Variants in RANBP3L observed in about 807,000 individuals in gnomAD.
RANBP3L encodes the protein ran-binding protein 3-like.
Under a neutral mutation model 67.2 loss-of-function variants are expected in RANBP3L, and 56 were observed. That is an observed-to-expected ratio of 0.83 (90% CI 0.67 to 1.04). RANBP3L has a LOEUF of 1.04. RANBP3L is among the 50% of genes least tolerant of loss of function. RANBP3L has a pLI of 0.00. For synonymous variants in RANBP3L, 164 were observed against 181.4 expected, an observed-to-expected ratio of 0.90 and a Z score of 0.77; for missense variants, 496 against 535.5, an observed-to-expected ratio of 0.93 and a Z score of 0.73.
intron 1 of RANBP3L, among the ~76,000 whole-genome samples, chr5:36,297,824 T>C (rs1372342706): frequency 6.6e-6 from 1 of 152,194 alleles, no homozygotes; most frequent in East Asian, 1.9e-4. Flanking sequence ...CATGGCTTAG[T>C]TGTCTTAGTT....
chr5:36,292,797 A>C (rs2112123691), intron 1 of RANBP3L, among the ~76,000 whole-genome samples: 1 of 152,322 alleles, frequency 6.6e-6, no homozygotes, highest in East Asian at 1.9e-4. Context: ...TGTTTTGGTT[A>C]CTGTAGCCTT....
intron 1 of RANBP3L, among the ~76,000 whole-genome samples, chr5:36,277,420 C>CTATATATA (rs1264276542): frequency 5.0e-5 from 4 of 80,538 alleles, no homozygotes; most frequent in Admixed American, 3.7e-4. Context: ...CTCTCTCTCT[C>CTATATATA]TCTATATATA....
intron 4 of RANBP3L, among the ~76,000 whole-genome samples, chr5:36,268,871 G>A (rs1427279732): frequency 6.6e-6 from 1 of 152,030 alleles, no homozygotes; most frequent in Non-Finnish European, 1.5e-5. Flanking sequence ...ACCATGCCCA[G>A]CTAATTTTTT....
At chr5:36,258,157 C>T (rs1424761602) in intron 8 of RANBP3L, among the ~76,000 whole-genome samples, 1 of 152,122 alleles carries the variant, frequency 6.6e-6, no homozygotes, top group African/African-American at 2.4e-5. Flanking sequence ...AACTTTTCCT[C>T]CCAGACGATT....
At chr5:36,291,287 T>C (rs1751737539) in intron 1 of RANBP3L, among the ~76,000 whole-genome samples, 1 of 152,106 alleles carries the variant, frequency 6.6e-6, no homozygotes, top group African/African-American at 2.4e-5. Flanking sequence ...GTAAGTGGAA[T>C]CAGACAGTAT....
At chr5:36,290,188 T>G (rs939949272) in intron 1 of RANBP3L, among the ~76,000 whole-genome samples, 7 of 151,488 alleles carry the variant, frequency 4.6e-5, no homozygotes, top group African/African-American at 1.7e-4. Flanking sequence ...CTCTACATCA[T>G]TCCTCATACT....
At chr5:36,270,987 C>T (rs1185026470) in intron 2 of RANBP3L, among the ~76,000 whole-genome samples, 3 of 152,154 alleles carry the variant, frequency 2.0e-5, no homozygotes, top group South Asian at 4.1e-4. Flanking sequence ...CTTTCAGCTC[C>T]TCCCCTTTTC....
intron 1 of RANBP3L, among the ~76,000 whole-genome samples, chr5:36,298,229 G>C (rs989844536): frequency 6.6e-6 from 1 of 151,556 alleles, no homozygotes; most frequent in Non-Finnish European, 1.5e-5. Flanking sequence ...GAACCCGGGA[G>C]GCAGAGGTTG....
chr5:36,301,148 A>C (rs946452865), intron 1 of RANBP3L, among the ~76,000 whole-genome samples, 178 bp downstream of exon 1: 1 of 152,230 alleles, frequency 6.6e-6, no homozygotes, highest in Admixed American at 6.5e-5. Flanking sequence ...AGGAATATGC[A>C]TTCTTGACAG....
rs78742059 is a variant in RANBP3L at position 36,269,373 on chromosome 5, G to A, written c.268+17C>T. ...TAAACATAACAGTGAATAGTCAACA[G>A]TCAAGGCTATACATACCTCCCTGGG... On this transcript the variant is annotated intron_variant, in intron 4 of 13. Transcript: ENST00000296604. The A allele has an allele frequency of 0.024, 33,454 of 1,418,074 alleles. 2,141 individuals are homozygous for A. The highest frequency in any genetic ancestry group is 0.19 in the South Asian group (16,553 of 85,724). The allele number at this position is 1,418,074 out of a possible 1,614,324, so 87.8% of individuals were successfully genotyped here. A position where few individuals can be genotyped will look rare whatever the true frequency, so the allele number is the denominator to read the frequency against.
chr5:36,297,633 A>T (rs1010033040), intron 1 of RANBP3L, among the ~76,000 whole-genome samples: 17 of 152,220 alleles, frequency 1.1e-4, no homozygotes, highest in African/African-American at 4.1e-4. Flanking sequence ...CTGAGGCTGT[A>T]TAGACATGTA....
chr5:36,276,664 T>C (rs1397044670), intron 1 of RANBP3L, among the ~76,000 whole-genome samples: 5 of 152,154 alleles, frequency 3.3e-5, no homozygotes, highest in Non-Finnish European at 5.9e-5. Context: ...TACCTTTTAT[T>C]TCCATATCTT....
chr5:36,253,542 T>G, intron 12 of RANBP3L, 105 bp downstream of exon 12: 2 of 870,286 alleles, frequency 2.3e-6, no homozygotes, highest in South Asian at 1.7e-5. Flanking sequence ...GCTGAGTTTT[T>G]GCCAATGGTA....
intron 1 of RANBP3L, among the ~76,000 whole-genome samples, chr5:36,291,243 G>A (rs563187581): frequency 2.6e-5 from 4 of 151,908 alleles, no homozygotes; most frequent in Admixed American, 6.6e-5. Flanking sequence ...CCCTAGAAGC[G>A]CCATTCTACT....
At chr5:36,261,115 G>A (rs1440496484) in intron 7 of RANBP3L, among the ~76,000 whole-genome samples, 2 of 152,108 alleles carry the variant, frequency 1.3e-5, no homozygotes, top group Non-Finnish European at 2.9e-5. Flanking sequence ...CACTGCACTG[G>A]CTGTGTGGTC....
intron 4 of RANBP3L, among the ~76,000 whole-genome samples, chr5:36,267,399 T>G (rs1254015691): frequency 6.6e-6 from 1 of 151,780 alleles, no homozygotes; most frequent in African/African-American, 2.4e-5. Flanking sequence ...TCCCAGCTAC[T>G]TGGAAGGCTG....
intron 8 of RANBP3L, among the ~76,000 whole-genome samples, chr5:36,258,085 A>C (rs1282788381): frequency 2.6e-5 from 4 of 152,184 alleles, no homozygotes; most frequent in African/African-American, 9.6e-5. Flanking sequence ...GGAAAAAAAC[A>C]AAAAAGTTAT....
intron 8 of RANBP3L, among the ~76,000 whole-genome samples, chr5:36,260,056 G>A (rs942155635): frequency 5.3e-5 from 8 of 152,022 alleles, no homozygotes; most frequent in African/African-American, 1.9e-4. Flanking sequence ...CTTGAAGTTA[G>A]GGTTGTGGTT....
intron 1 of RANBP3L, among the ~76,000 whole-genome samples, chr5:36,300,886 T>A (rs1752563059): frequency 6.6e-6 from 1 of 152,174 alleles, no homozygotes; most frequent in Non-Finnish European, 1.5e-5. Flanking sequence ...AGAATATATT[T>A]ATTTTTCCCA....
Sources: allele counts gnomAD v4.1 joint callset (sites outside exome capture counted in the v4.1 genomes callset), GRCh38; gene constraint gnomAD v4.1.1; transcripts MANE v1.5; gene names NCBI Gene and HGNC (gene_info 2026-07-23, HGNC 2026-07-21).